AGBL4: variants seen among roughly 807,000 people sequenced by gnomAD.
The protein encoded by AGBL4 is cytosolic carboxypeptidase 6.
AGBL4 carries 58 observed loss-of-function variants against 66.4 expected under a neutral mutation model. That is an observed-to-expected ratio of 0.87 (90% CI 0.71 to 1.09). The LOEUF (loss-of-function observed/expected upper bound fraction) is 1.09. Among genes scored for constraint, AGBL4 ranks in the 50% least tolerant of loss-of-function variants. AGBL4 has a pLI of 0.00. For synonymous variants in AGBL4, 234 were observed against 222.9 expected, an observed-to-expected ratio of 1.05 and a Z score of -0.44; for missense variants, 579 against 631.0, an observed-to-expected ratio of 0.92 and a Z score of 0.88.
At chr1:48,922,361 A>C (rs1654152017) in intron 5 of AGBL4, among the ~76,000 whole-genome samples, 1 of 152,186 alleles carries the variant, frequency 6.6e-6, no homozygotes, top group Admixed American at 6.6e-5. Context: ...TCAGAAGAAA[A>C]AAATTAGCTG....
chr1:49,972,585 C>A (rs1022119344), intron 1 of AGBL4, among the ~76,000 whole-genome samples: 3 of 152,076 alleles, frequency 2.0e-5, no homozygotes, highest in Non-Finnish European at 4.4e-5. Context: ...AGCTCGAGAG[C>A]ACACAGACAT....
chr1:49,010,721 C>T lies in AGBL4; in HGVS notation c.594+34863G>A, dbSNP rs879187752. Among the ~76,000 whole-genome samples the T allele has an allele frequency of 2.2e-3, 324 of 147,904 alleles. 2 individuals carry two copies. The highest frequency in any genetic ancestry group is 7.0e-3 in the South Asian group (32 of 4,572). On this transcript the variant is annotated intron_variant, in intron 5 of 13. Transcript: ENST00000371839. ...AACAGAACAGAGCCCTCAGAAATAACGCCGCATATCTACAACTATCTGATC... is the reference window on the plus strand; with the variant it reads ...AACAGAACAGAGCCCTCAGAAATAATGCCGCATATCTACAACTATCTGATC...
intron 3 of AGBL4, among the ~76,000 whole-genome samples, chr1:49,282,675 G>A (rs549967301): frequency 1.1e-4 from 16 of 152,328 alleles, no homozygotes; most frequent in East Asian, 5.8e-4. Flanking sequence ...CACCGTGCGC[G>A]AGCCAAAGCA....
intron 6 of AGBL4, chr1:48,759,229 A>AC: frequency 6.2e-7 from 1 of 1,600,682 alleles, no homozygotes; most frequent in Non-Finnish European, 8.5e-7. Context: ...TAGCCGAGCC[A>AC]CCACTGCCTC....
intron 5 of AGBL4, among the ~76,000 whole-genome samples, chr1:49,023,842 C>T (rs1663433351): frequency 6.6e-6 from 1 of 152,050 alleles, no homozygotes; most frequent in Non-Finnish European, 1.5e-5. Context: ...CTACCTCTGC[C>T]CTCTAATTAA....
chr1:48,588,468 G>A (rs1487004447), intron 10 of AGBL4, among the ~76,000 whole-genome samples: 1 of 152,168 alleles, frequency 6.6e-6, no homozygotes, highest in African/African-American at 2.4e-5. Context: ...ACAGAGTTGT[G>A]AGGGTCAGTT....
intron 11 of AGBL4, among the ~76,000 whole-genome samples, chr1:48,569,118 G>C (rs1412861650): frequency 2.6e-5 from 4 of 152,188 alleles, no homozygotes; most frequent in African/African-American, 9.7e-5. Context: ...GCCCATTAGG[G>C]TACAGCTCAA....
chr1:49,939,257 C>T (rs373459578), intron 1 of AGBL4, among the ~76,000 whole-genome samples: 5 of 149,620 alleles, frequency 3.3e-5, no homozygotes, highest in Non-Finnish European at 1.5e-5. Context: ...GAATCAATAT[C>T]GTGAAAATGG....
At chr1:48,964,259 A>G (rs894268006) in intron 5 of AGBL4, among the ~76,000 whole-genome samples, 1 of 152,210 alleles carries the variant, frequency 6.6e-6, no homozygotes, top group Non-Finnish European at 1.5e-5. Flanking sequence ...TGGTTCTCCT[A>G]GACGATGGAG....
At chr1:49,353,585 G>A (rs1387662464) in intron 3 of AGBL4, among the ~76,000 whole-genome samples, 2 of 152,156 alleles carry the variant, frequency 1.3e-5, no homozygotes, top group African/African-American at 2.4e-5. Context: ...GAAGAGGGCA[G>A]TTCCCTGGTA....
chr1:49,890,150 G>T (rs1362965628), intron 1 of AGBL4, among the ~76,000 whole-genome samples: 2 of 152,082 alleles, frequency 1.3e-5, no homozygotes, highest in Non-Finnish European at 2.9e-5. Context: ...AAATCCTAGG[G>T]AATAGTTCTT....
rs144261296 is a variant in AGBL4, at chr1:48,971,057, G to A, written c.594+74527C>T. The stretch of plus-strand genomic sequence containing the variant: ...GTGACTTACCCAAGGTCACTCAGTA[G>A]ACAGTAGATTTGGGGTGTAACCTCT... On this transcript the variant is annotated intron_variant, in intron 5 of 13. Coordinates refer to ENST00000371839, the MANE Select transcript of AGBL4 (RefSeq NM_032785.4). Among the ~76,000 whole-genome samples, 10 of 152,176 alleles carry A rather than the reference G, an allele frequency of 6.6e-5. No homozygotes were observed. In the East Asian group the frequency reaches 1.9e-3, roughly 29 times the overall value.
intron 6 of AGBL4, among the ~76,000 whole-genome samples, chr1:48,745,877 CATA>C (rs1250397443): frequency 6.6e-6 from 1 of 152,070 alleles, no homozygotes; most frequent in Non-Finnish European, 1.5e-5. Context: ...CCTACTCTAC[CATA>C]ATAATCAGAT....
chr1:48,578,427 G>A (rs928544922), intron 11 of AGBL4, among the ~76,000 whole-genome samples: 6 of 152,120 alleles, frequency 3.9e-5, no homozygotes, highest in African/African-American at 9.7e-5. Context: ...TTTAGACTTC[G>A]GTTCCCAAAA....
At chr1:49,305,986 G>A (rs1001513988) in intron 3 of AGBL4, among the ~76,000 whole-genome samples, 1 of 152,098 alleles carries the variant, frequency 6.6e-6, no homozygotes, top group Middle Eastern at 3.2e-3. Flanking sequence ...CACCGTGCCT[G>A]GCCGGAATTA....
At chr1:49,641,674 A>G (rs989963765) in intron 3 of AGBL4, among the ~76,000 whole-genome samples, 5 of 151,874 alleles carry the variant, frequency 3.3e-5, no homozygotes, top group Non-Finnish European at 7.4e-5. Context: ...TTCCTATTTT[A>G]TAATTTATTT....
intron 3 of AGBL4, among the ~76,000 whole-genome samples, chr1:49,579,152 C>T (rs752504986): frequency 3.9e-5 from 6 of 152,168 alleles, no homozygotes; most frequent in Non-Finnish European, 4.4e-5. Context: ...GCTGCTCAAG[C>T]GTGCAGACAG....
intron 3 of AGBL4, among the ~76,000 whole-genome samples, chr1:49,372,173 G>A (rs924155098): frequency 6.6e-6 from 1 of 152,024 alleles, no homozygotes; most frequent in African/African-American, 2.4e-5. Flanking sequence ...TTTCCATTTT[G>A]AGCATGCAGT....
At chr1:49,342,265 T>C (rs1364931973) in intron 3 of AGBL4, among the ~76,000 whole-genome samples, 1 of 152,136 alleles carries the variant, frequency 6.6e-6, no homozygotes, top group East Asian at 1.9e-4. Flanking sequence ...GAAAAAGGAT[T>C]TGTGAGATGA....
Sources: gnomAD v4.1 joint callset for allele counts (sites outside exome capture counted in the v4.1 genomes callset) on GRCh38, gnomAD v4.1.1 for gene constraint, MANE v1.5 for transcripts, NCBI Gene and HGNC (gene_info 2026-07-23, HGNC 2026-07-21) for gene names.